The following ADAMTSL1 variants were observed in gnomAD, a reference collection of about 807,000 sequenced individuals.
ADAMTSL1 encodes the protein ADAMTS-like protein 1.
ADAMTSL1 carries 126 observed loss-of-function variants against 201.8 expected under a neutral mutation model. That is an observed-to-expected ratio of 0.62 (90% CI 0.54 to 0.72). ADAMTSL1 has a LOEUF of 0.72. Ranked by LOEUF, ADAMTSL1 falls within the 30% of genes least tolerant of loss-of-function variation. The pLI, the probability that ADAMTSL1 is intolerant of heterozygous loss-of-function variation, is 0.00. For synonymous variants in ADAMTSL1, 1,121 were observed against 903.4 expected, an observed-to-expected ratio of 1.24 and a Z score of -4.32; for missense variants, 2,679 against 2,277.8, an observed-to-expected ratio of 1.18 and a Z score of -3.59.
At chr9:18,012,750 C>T (rs1221088875) in intron 1 of ADAMTSL1, among the ~76,000 whole-genome samples, 1 of 151,988 alleles carries the variant, frequency 6.6e-6, no homozygotes. Flanking sequence ...TTGGAAGCAT[C>T]TTTCAGGGTT....
intron 1 of ADAMTSL1, among the ~76,000 whole-genome samples, chr9:18,127,481 A>AAC (rs112886805): frequency 0.093 from 13,645 of 146,028 alleles, 721 homozygotes; most frequent in African/African-American, 0.15. Context: ...GCACATACAC[A>AAC]ACACACACAC....
At chr9:18,886,886 G>T (rs564530762) in intron 23 of ADAMTSL1, among the ~76,000 whole-genome samples, 21 of 152,292 alleles carry the variant, frequency 1.4e-4, no homozygotes, top group Non-Finnish European at 3.1e-4. Context: ...GCAGTTTTAT[G>T]AGTGTACTTT....
chr9:18,333,863 A>C (rs1449565638), intron 2 of ADAMTSL1, among the ~76,000 whole-genome samples: 1 of 152,142 alleles, frequency 6.6e-6, no homozygotes, highest in East Asian at 1.9e-4. Flanking sequence ...CTTAATTCAC[A>C]CCCTTGAGAA....
chr9:18,019,321 T>G (rs1259434595), intron 1 of ADAMTSL1, among the ~76,000 whole-genome samples: 1 of 152,092 alleles, frequency 6.6e-6, no homozygotes, highest in Non-Finnish European at 1.5e-5. Flanking sequence ...TTCAAAATTC[T>G]CATCCTCTAT....
At chr9:18,300,210 C>T (rs969170186) in intron 2 of ADAMTSL1, among the ~76,000 whole-genome samples, 3 of 152,050 alleles carry the variant, frequency 2.0e-5, no homozygotes, top group Admixed American at 6.5e-5. Context: ...TGGAACCAAC[C>T]GAAATGTCCA....
At chr9:18,409,756 CAT>C (rs1818356892) in intron 2 of ADAMTSL1, among the ~76,000 whole-genome samples, 1 of 149,962 alleles carries the variant, frequency 6.7e-6, no homozygotes, top group African/African-American at 2.4e-5. Flanking sequence ...ATATACATAA[CAT>C]ATATGTATAC....
intron 2 of ADAMTSL1, among the ~76,000 whole-genome samples, chr9:18,432,291 T>C (rs1347309190): frequency 6.6e-6 from 1 of 152,218 alleles, no homozygotes; most frequent in Non-Finnish European, 1.5e-5. Flanking sequence ...CTAGTTTCTA[T>C]AGACCTACTA....
chr9:18,304,301 C>T (rs189683469), intron 2 of ADAMTSL1, among the ~76,000 whole-genome samples: 1 of 152,010 alleles, frequency 6.6e-6, no homozygotes, highest in Non-Finnish European at 1.5e-5. Context: ...CTGCCCCTAC[C>T]CTCAACATGC....
At chr9:18,896,409 T>C (rs1192786459) in intron 26 of ADAMTSL1, among the ~76,000 whole-genome samples, 5 of 152,326 alleles carry the variant, frequency 3.3e-5, no homozygotes, top group Admixed American at 1.3e-4. Flanking sequence ...AGTGGAATTA[T>C]GTATTTGAAG....
intron 2 of ADAMTSL1, among the ~76,000 whole-genome samples, chr9:18,253,580 A>C (rs377510900): frequency 6.6e-6 from 1 of 152,286 alleles, no homozygotes; most frequent in African/African-American, 2.4e-5. Flanking sequence ...AAAAATTGTA[A>C]GTGACCTGGG....
intron 15 of ADAMTSL1, among the ~76,000 whole-genome samples, chr9:18,745,826 C>G (rs2133573176): frequency 6.6e-6 from 1 of 152,280 alleles, no homozygotes; most frequent in South Asian, 2.1e-4. Context: ...AGTAAGAAAT[C>G]TGGCTCCCAT....
chr9:17,922,369 T>C (rs939217703), intron 1 of ADAMTSL1, among the ~76,000 whole-genome samples: 5 of 152,158 alleles, frequency 3.3e-5, no homozygotes, highest in Non-Finnish European at 7.3e-5. Flanking sequence ...TCAGTTGTGC[T>C]ATGTTGCATA....
At chr9:18,500,334 T>C (rs2131902308) in intron 1 of ADAMTSL1, among the ~76,000 whole-genome samples, 1 of 152,342 alleles carries the variant, frequency 6.6e-6, no homozygotes, top group South Asian at 2.1e-4. Context: ...AGAGCTCTTC[T>C]AGTATTTGTA....
At chr9:18,423,529 A>G (rs1819058127) in intron 2 of ADAMTSL1, among the ~76,000 whole-genome samples, 1 of 152,184 alleles carries the variant, frequency 6.6e-6, no homozygotes, top group South Asian at 2.1e-4. Flanking sequence ...CAAACCTTTC[A>G]TGAGAATCTT....
chr9:18,322,916 A>G (rs991248250), intron 2 of ADAMTSL1, among the ~76,000 whole-genome samples: 2 of 152,224 alleles, frequency 1.3e-5, no homozygotes. Flanking sequence ...CTCACAAAAC[A>G]ACACACCAGG....
intron 3 of ADAMTSL1, among the ~76,000 whole-genome samples, chr9:18,560,967 A>G (rs183477419): frequency 6.8e-6 from 1 of 146,852 alleles, no homozygotes; most frequent in East Asian, 2.0e-4. Context: ...TCCTGGATTC[A>G]TTGATTTTTT....
At chr9:18,704,101 G>A (rs911537616) in intron 13 of ADAMTSL1, among the ~76,000 whole-genome samples, 2 of 151,938 alleles carry the variant, frequency 1.3e-5, no homozygotes. Flanking sequence ...TCTATAGCAG[G>A]GGTTGGAAAA....
intron 1 of ADAMTSL1, among the ~76,000 whole-genome samples, chr9:17,936,434 C>G (rs148460974): frequency 6.6e-6 from 1 of 152,220 alleles, no homozygotes; most frequent in Non-Finnish European, 1.5e-5. Context: ...TCTCTCATCC[C>G]CAGAAACTCT....
At chr9:18,318,623 C>T (rs1415904697) in intron 2 of ADAMTSL1, among the ~76,000 whole-genome samples, 2 of 152,142 alleles carry the variant, frequency 1.3e-5, no homozygotes, top group African/African-American at 4.8e-5. Flanking sequence ...GCACCTCTTC[C>T]TTACAGTGGT....
Sources: allele counts gnomAD v4.1 joint callset (sites outside exome capture counted in the v4.1 genomes callset), GRCh38; gene constraint gnomAD v4.1.1; transcripts MANE v1.5; gene names NCBI Gene and HGNC (gene_info 2026-07-23, HGNC 2026-07-21).